EXOC6B: variants seen among roughly 807,000 people sequenced by gnomAD.
The protein encoded by EXOC6B is SEC15 homolog B.
Under a neutral mutation model 113.5 loss-of-function variants are expected in EXOC6B, and 54 were observed. The ratio of observed to expected loss-of-function variants is 0.48; its 90% CI spans 0.38 to 0.60. The LOEUF (loss-of-function observed/expected upper bound fraction) is 0.60. EXOC6B is among the 20% of genes least tolerant of loss of function. EXOC6B has a pLI of 0.00. For missense variants in EXOC6B, 797 were observed against 977.5 expected (o/e 0.82, Z 2.46); for synonymous variants, 357 against 339.0 (o/e 1.05, Z -0.58).
At chr2:72,510,712 C>T (rs1214160990) in intron 11 of EXOC6B, among the ~76,000 whole-genome samples, 7 of 151,458 alleles carry the variant, frequency 4.6e-5, no homozygotes, top group African/African-American at 9.7e-5. Flanking sequence ...CTAAAATGTT[C>T]TTAATAATCA....
At chr2:72,448,980 T>C (rs1449994543) in intron 18 of EXOC6B, among the ~76,000 whole-genome samples, 1 of 152,226 alleles carries the variant, frequency 6.6e-6, no homozygotes, top group Non-Finnish European at 1.5e-5. Context: ...ATGAAATTCA[T>C]AGCGCCAGAC....
intron 6 of EXOC6B, among the ~76,000 whole-genome samples, chr2:72,717,109 T>C (rs1679669107): frequency 6.6e-6 from 1 of 152,192 alleles, no homozygotes; most frequent in Non-Finnish European, 1.5e-5. Context: ...AACTCTGCAC[T>C]TTGTGAAGTA....
At chr2:72,482,839 C>G (rs113528449) in intron 16 of EXOC6B, among the ~76,000 whole-genome samples, 2,919 of 152,188 alleles carry the variant, frequency 0.019, 107 homozygotes, top group African/African-American at 0.066. Flanking sequence ...TCCTGACAAT[C>G]TTAGGAAGAT....
intron 6 of EXOC6B, among the ~76,000 whole-genome samples, chr2:72,710,095 G>A (rs1009009642): frequency 2.6e-5 from 4 of 151,954 alleles, no homozygotes; most frequent in Non-Finnish European, 2.9e-5. Context: ...TAATAGAGAC[G>A]GGGTTTCACC....
intron 1 of EXOC6B, among the ~76,000 whole-genome samples, chr2:72,751,798 G>C (rs912440596): frequency 4.6e-5 from 7 of 152,004 alleles, no homozygotes; most frequent in African/African-American, 1.7e-4. Flanking sequence ...AGAAATAAGA[G>C]GCAGGTAAAA....
intron 1 of EXOC6B, among the ~76,000 whole-genome samples, chr2:72,767,280 A>T (rs1386813090): frequency 6.6e-6 from 1 of 151,782 alleles, no homozygotes; most frequent in Non-Finnish European, 1.5e-5. Context: ...AAATACAAAA[A>T]ATTAGCAGGG....
intron 17 of EXOC6B, among the ~76,000 whole-genome samples, chr2:72,470,215 G>T (rs1353509082): frequency 6.6e-6 from 1 of 151,926 alleles, no homozygotes; most frequent in Non-Finnish European, 1.5e-5. Flanking sequence ...ATATAAGTAT[G>T]GTATTTCTTT....
intron 6 of EXOC6B, among the ~76,000 whole-genome samples, chr2:72,600,846 A>G (rs1670380985): frequency 6.6e-6 from 1 of 152,176 alleles, no homozygotes; most frequent in Admixed American, 6.5e-5. Context: ...AAAGTAATAA[A>G]CTGGAATTCA....
intron 11 of EXOC6B, among the ~76,000 whole-genome samples, chr2:72,506,488 A>ACC (rs1700602753): frequency 6.6e-6 from 1 of 152,170 alleles, no homozygotes; most frequent in East Asian, 1.9e-4. Flanking sequence ...CCTCAACGAA[A>ACC]AGGCAGCTTG....
intron 20 of EXOC6B, among the ~76,000 whole-genome samples, chr2:72,191,779 C>T (rs1678849460): frequency 6.6e-6 from 1 of 152,150 alleles, no homozygotes; most frequent in South Asian, 2.1e-4. Flanking sequence ...TAAAGCAGGA[C>T]TCTGTTGATC....
At chr2:72,321,533 CAAAAAAAAAA>C (rs766214952) in intron 20 of EXOC6B, among the ~76,000 whole-genome samples, 1 of 61,168 alleles carries the variant, frequency 1.6e-5, no homozygotes, top group African/African-American at 5.7e-5. Context: ...GACTCCGTCT[CAAAAAAAAAA>C]AAAAAAAAAA....
chr2:72,548,941 G>A (rs1376861343), intron 8 of EXOC6B, among the ~76,000 whole-genome samples: 2 of 152,114 alleles, frequency 1.3e-5, no homozygotes, highest in Non-Finnish European at 2.9e-5. Context: ...GAACCCGGGA[G>A]GCGGAGCTTG....
chr2:72,281,505 C>T (rs1383575399), intron 20 of EXOC6B, among the ~76,000 whole-genome samples: 1 of 151,902 alleles, frequency 6.6e-6, no homozygotes, highest in East Asian at 1.9e-4. Context: ...ATAGTTAAAA[C>T]TAAGAATATA....
chr2:72,575,740 G>A (rs567123723), intron 6 of EXOC6B, 72 bp from the exon 7 acceptor site: 1 of 1,344,654 alleles, frequency 7.4e-7, no homozygotes, highest in South Asian at 1.9e-5. Context: ...AAGAAAAAAA[G>A]AAAAGAAACA....
intron 6 of EXOC6B, among the ~76,000 whole-genome samples, chr2:72,592,549 G>A (rs1054612280): frequency 2.0e-5 from 3 of 152,158 alleles, no homozygotes; most frequent in African/African-American, 7.2e-5. Flanking sequence ...ACTGGTGTCT[G>A]ATCAAAGCAA....
intron 6 of EXOC6B, among the ~76,000 whole-genome samples, chr2:72,593,554 AT>A (rs1706111379): frequency 6.6e-6 from 1 of 151,920 alleles, no homozygotes; most frequent in Non-Finnish European, 1.5e-5. Flanking sequence ...TAGAAAAACA[AT>A]TTTTTCCCTT....
chr2:72,488,633 T>C (rs1699561534), intron 16 of EXOC6B, among the ~76,000 whole-genome samples: 1 of 152,180 alleles, frequency 6.6e-6, no homozygotes, highest in Non-Finnish European at 1.5e-5. Flanking sequence ...ATCCTGGAGT[T>C]AGTTACTTTC....
chr2:72,386,580 C>A (rs1692042928), intron 18 of EXOC6B, among the ~76,000 whole-genome samples: 1 of 152,204 alleles, frequency 6.6e-6, no homozygotes, highest in Admixed American at 6.5e-5. Context: ...CCAACTCCAG[C>A]CTTGGCTCAA....
intron 1 of EXOC6B, among the ~76,000 whole-genome samples, chr2:72,765,776 T>C (rs950701849): frequency 6.6e-6 from 1 of 152,156 alleles, no homozygotes; most frequent in African/African-American, 2.4e-5. Flanking sequence ...GGTCTGCCAA[T>C]ATGCTTCAGT....
Sources: gnomAD v4.1 joint callset for allele counts (sites outside exome capture counted in the v4.1 genomes callset) on GRCh38, gnomAD v4.1.1 for gene constraint, MANE v1.5 for transcripts, NCBI Gene and HGNC (gene_info 2026-07-23, HGNC 2026-07-21) for gene names.